The following CCDC190 variants were observed in gnomAD, a reference collection of about 807,000 sequenced individuals.
CCDC190 encodes the protein coiled-coil domain-containing protein 190.
In CCDC190, 10 loss-of-function variants were observed where a neutral mutation model predicts 13.1. That is an observed-to-expected ratio of 0.77 (90% confidence interval 0.47 to 1.30). The LOEUF is 1.30. Ranked by LOEUF, CCDC190 falls within the 50% of genes most tolerant of loss-of-function variation. CCDC190 has a pLI of 0.00. For missense variants in CCDC190, 375 were observed against 354.3 expected (o/e 1.06, Z -0.47); for synonymous variants, 136 against 127.2 (o/e 1.07, Z -0.47).
At chr1:162,860,430 T>C (rs188231696) in intron 1 of CCDC190, among the ~76,000 whole-genome samples, 30 of 152,310 alleles carry the variant, frequency 2.0e-4, no homozygotes, top group Non-Finnish European at 1.8e-4. Flanking sequence ...CACCTACTTC[T>C]TTCTCCTCTA....
chr1:162,858,545 T>C (rs1056124154), intron 2 of CCDC190, among the ~76,000 whole-genome samples: 1 of 152,224 alleles, frequency 6.6e-6, no homozygotes, highest in Non-Finnish European at 1.5e-5. Flanking sequence ...ACTCTTGGCC[T>C]TTATGTCATG....
At chr1:162,863,496 C>T (rs1435189186), upstream of CCDC190, among the ~76,000 whole-genome samples, 1 of 60,898 alleles carries the variant, frequency 1.6e-5, no homozygotes, top group Non-Finnish European at 6.1e-5. Flanking sequence ...AGAAAAAATT[C>T]ATGAAATTAA....
chr1:162,859,288 T>C (rs991969104), intron 2 of CCDC190, among the ~76,000 whole-genome samples, 172 bp downstream of exon 2: 5 of 152,202 alleles, frequency 3.3e-5, no homozygotes, highest in African/African-American at 1.2e-4. Context: ...CAGGGAGCTA[T>C]GTAATTGACA....
At chr1:162,863,369 CAATTT>C (rs1650586504), upstream of CCDC190, among the ~76,000 whole-genome samples, 1 of 152,056 alleles carries the variant, frequency 6.6e-6, no homozygotes, top group African/African-American at 2.4e-5. Context: ...ATGAAATGAT[CAATTT>C]AAAGTAATTC....
In CCDC190 at chr1:162,855,116, G is replaced by T. The variant is rs1343402284; in HGVS notation, c.555C>A (p.Thr185=). ...AACTAGGACCTTGTTCTATGGTGTT[G>T]GTGGAAACCTCTTGATTTTGGCATG... ...SVPCQNQEVS[T]NTIEQGPSSS... Residue 185 remains threonine, a synonymous_variant, in exon 4 of 4, where the codon ACC becomes ACA. Transcript: ENST00000367912. The T allele has an allele frequency of 6.2e-7, 1 of 1,613,914 alleles. No homozygotes were observed. The highest frequency in any genetic ancestry group is 1.1e-5 in the South Asian group (1 of 91,082).
Position 162,859,747 on chromosome 1 carries a change from C to G in CCDC190, c.-12-89G>C, listed in dbSNP as rs545635710. ...TTTAATCAGAGATCAGTGGTAGAAC[C>G]TGTGTATTTCTGAAACCACAGGTGC... On this transcript the variant is annotated intron_variant, in intron 1 of 3. Transcript: ENST00000367912. The G allele has an allele frequency of 1.2e-3, 1,290 of 1,045,812 alleles. 22 individuals carry two copies. In the South Asian group the frequency reaches 0.021, roughly 17 times the overall value. 64.8% of individuals were successfully genotyped at this position (1,045,812 alleles called of 1,614,324 possible). A position where few individuals can be genotyped will look rare whatever the true frequency, so the allele number is the denominator to read the frequency against.
chr1:162,856,963 A>G (rs1442351895), intron 2 of CCDC190, among the ~76,000 whole-genome samples: 1 of 152,156 alleles, frequency 6.6e-6, no homozygotes, highest in East Asian at 1.9e-4. Flanking sequence ...CTATGGGCCC[A>G]ATAGGTTCAA....
intron 1 of CCDC190, among the ~76,000 whole-genome samples, chr1:162,867,293 G>A (rs10799874): frequency 0.63 from 96,187 of 151,866 alleles, 32,838 homozygotes; most frequent in Non-Finnish European, 0.77. Flanking sequence ...AAAAATACTT[G>A]AATAGACAAT....
chr1:162,867,851 A>G (rs1310328830), intron 1 of CCDC190, among the ~76,000 whole-genome samples: 1 of 152,184 alleles, frequency 6.6e-6, no homozygotes, highest in African/African-American at 2.4e-5. Context: ...TGGATTCCAT[A>G]TATTTGAAAT....
At position 162,851,839 on chromosome 1, in the gene CCDC190, G is replaced by A. The variant is rs1169730688; in HGVS notation, c.*2926C>T. On this transcript the variant is annotated 3_prime_UTR_variant, in exon 4 of 4. Transcript: ENST00000367912. ...ATGTGTTACTAATTTGAATGTTAAA[G>A]ATTTGTATTTGTAGGGTTGAAAGCA... 1 of 152,220 alleles carries A rather than the reference G, an allele frequency of 6.6e-6. No individual in the cohort carries two copies. The highest frequency in any genetic ancestry group is 1.5e-5 in the Non-Finnish European group (1 of 68,030). The allele number at this position is 152,220 out of a possible 1,614,324, so 9.4% of individuals were successfully genotyped here.
Position 162,854,323 on chromosome 1 carries a change from A to C in CCDC190, c.*442T>G, listed in dbSNP as rs1386195171. The C allele has an allele frequency of 6.1e-6, 6 of 987,494 alleles. No homozygotes were observed. The highest frequency in any genetic ancestry group is 7.2e-6 in the Non-Finnish European group (6 of 831,378). 61.2% of individuals were successfully genotyped at this position (987,494 alleles called of 1,614,324 possible). On this transcript the variant is annotated 3_prime_UTR_variant, in exon 4 of 4. Transcript: ENST00000367912. The stretch of plus-strand genomic sequence containing the variant: ...TGGTTAAAGAGCAGATTTTCTTTAT[A>C]GACCATGTTACAGTACCTATTTACA...
chr1:162,860,136 T>C (rs1650452863), intron 1 of CCDC190, among the ~76,000 whole-genome samples: 2 of 152,286 alleles, frequency 1.3e-5, no homozygotes, highest in Non-Finnish European at 2.9e-5. Context: ...TTAATTCACA[T>C]ATGCGTAGGT....
intron 1 of CCDC190, 76 bp from the exon 2 acceptor site, chr1:162,859,734 T>C (rs1650432087): frequency 1.6e-6 from 2 of 1,219,086 alleles, no homozygotes; most frequent in Non-Finnish European, 2.3e-6. Context: ...TAATCAGAGA[T>C]CAGTGGTAGA....
Position 162,851,115 on chromosome 1 carries a change from T to A in CCDC190, c.*3650A>T, listed in dbSNP as rs1488638180. On this transcript the variant is annotated 3_prime_UTR_variant, in exon 4 of 4. Transcript: ENST00000367912. ...CTCATCCAGTTTAAAGTCTTTCTTCTCCACCCGTGGAACTTCTGTTCTACT... is the reference window on the plus strand; with the variant it reads ...CTCATCCAGTTTAAAGTCTTTCTTCACCACCCGTGGAACTTCTGTTCTACT... 1.3e-5 allele frequency among the ~76,000 whole-genome samples: 2 copies of A among 152,144 alleles called. No homozygotes were observed. Among genetic ancestry groups the A allele is most frequent in the African/African-American group, 2.4e-5 (1 of 41,428 alleles).
rs954474547 is a variant in CCDC190, at chr1:162,854,209, A to C, written c.*556T>G. The C allele has an allele frequency of 2.0e-6, 2 of 984,596 alleles. No homozygotes were observed. The highest frequency in any genetic ancestry group is 3.5e-5 in the African/African-American group (2 of 57,240). The allele number at this position is 984,596 out of a possible 1,614,324, so 61.0% of individuals were successfully genotyped here. ...AGGATTCAAAAAATTTGATATGAGC[A>C]GGTTGAAAGTGGGAGGGTGAAAACT... On this transcript the variant is annotated 3_prime_UTR_variant, in exon 4 of 4. Coordinates refer to ENST00000367912, the MANE Select transcript of CCDC190 (RefSeq NM_001394065.1).
chr1:162,860,438 C>G (rs1650465706), intron 1 of CCDC190, among the ~76,000 whole-genome samples: 1 of 152,164 alleles, frequency 6.6e-6, no homozygotes, highest in African/African-American at 2.4e-5. Context: ...TCTTTCTCCT[C>G]TAAATAGCGC....
upstream of CCDC190, among the ~76,000 whole-genome samples, chr1:162,865,248 C>T (rs76553815): frequency 5.5e-4 from 84 of 152,088 alleles, 1 homozygote; most frequent in East Asian, 0.012. Context: ...GAAGCAAAAA[C>T]GAATAGAATT....
chr1:162,853,046 T>A lies in CCDC190; in HGVS notation c.*1719A>T. ...TTGTGAATCAATCAGTTCTGTCACTTATGGCCTGCCTTCCTCTGTTGCTTT... is the reference window on the plus strand; with the variant it reads ...TTGTGAATCAATCAGTTCTGTCACTAATGGCCTGCCTTCCTCTGTTGCTTT... On this transcript the variant is annotated 3_prime_UTR_variant, in exon 4 of 4. Transcript: ENST00000367912. 2.2e-6 allele frequency: 3 copies of A among 1,387,892 alleles called. No individual in the cohort carries two copies. The highest frequency in any genetic ancestry group is 2.0e-6 in the Non-Finnish European group (2 of 999,294). The allele number at this position is 1,387,892 out of a possible 1,614,324, so 86.0% of individuals were successfully genotyped here.
At position 162,854,993 on chromosome 1, in the gene CCDC190, G is replaced by A. The variant is rs1196059209; in HGVS notation, c.678C>T (p.Pro226=). ...KPDGNTGKQI[P]PKHMECAGSF... Reference sequence around the variant, plus strand: ...TTCCTGCACATTCCATGTGTTTTGGGGGAATTTGTTTTCCAGTGTTCCCAT... The same window carrying A: ...TTCCTGCACATTCCATGTGTTTTGGAGGAATTTGTTTTCCAGTGTTCCCAT... The change falls in exon 4 of 4, where the codon CCC becomes CCT. Residue 226 remains proline, a synonymous_variant. Coordinates refer to ENST00000367912, the MANE Select transcript of CCDC190 (RefSeq NM_001394065.1). The A allele has an allele frequency of 2.1e-5, 34 of 1,613,870 alleles. No individual in the cohort carries two copies. Among genetic ancestry groups the A allele is most frequent in the Non-Finnish European group, 2.8e-5 (33 of 1,179,896 alleles).
Sources: allele counts gnomAD v4.1 joint callset (sites outside exome capture counted in the v4.1 genomes callset), GRCh38; gene constraint gnomAD v4.1.1; transcripts MANE v1.5; gene names NCBI Gene and HGNC (gene_info 2026-07-23, HGNC 2026-07-21).